The following RETREG3 variants were observed in gnomAD, a reference collection of about 807,000 sequenced individuals.
RETREG3 encodes reticulophagy regulator family member 3.
A neutral mutation model predicts 50.2 loss-of-function variants in RETREG3; 23 were observed. The ratio of observed to expected loss-of-function variants is 0.46; its 90% CI spans 0.33 to 0.65. The LOEUF (loss-of-function observed/expected upper bound fraction) is 0.65. RETREG3 is among the 30% of genes least tolerant of loss of function. The probability of loss-of-function intolerance (pLI) is 0.02; values close to 1 mark genes in which losing one functional copy is unlikely to be tolerated. For synonymous variants in RETREG3, 240 were observed against 234.4 expected (o/e 1.02, Z -0.22); for missense variants, 546 against 598.0 (o/e 0.91, Z 0.91).
intron 1 of RETREG3, 87 bp from the exon 2 acceptor site, chr17:42,592,249 G>A (rs2093134752): frequency 9.5e-7 from 1 of 1,057,306 alleles, no homozygotes; most frequent in Non-Finnish European, 1.4e-6. Flanking sequence ...GGGCTCTGTG[G>A]TAAACAGACT....
chr17:42,597,191 CTT>C (rs35711566), intron 1 of RETREG3, among the ~76,000 whole-genome samples: 9 of 130,000 alleles, frequency 6.9e-5, no homozygotes, highest in Non-Finnish European at 8.1e-5. Flanking sequence ...TCTATTTTTT[CTT>C]TTTTTTTTTT....
At chr17:42,597,229 G>A (rs562694259) in intron 1 of RETREG3, among the ~76,000 whole-genome samples, 1 of 135,116 alleles carries the variant, frequency 7.4e-6, no homozygotes, top group Non-Finnish European at 1.6e-5. Context: ...TAGCTCTGTC[G>A]CCAGGCTAGA....
chr17:42,604,981 G>A (rs2093165166), intron 1 of RETREG3, among the ~76,000 whole-genome samples: 2 of 151,842 alleles, frequency 1.3e-5, no homozygotes, highest in Admixed American at 1.3e-4. Context: ...TGGAAGGAAC[G>A]GCCTGACATT....
rs762256878 is a variant in RETREG3 at position 42,582,715 on chromosome 17, T to C, written c.902A>G (p.Asn301Ser). The C allele has an allele frequency of 1.5e-5, 24 of 1,614,244 alleles. No individual in the cohort carries two copies. Among genetic ancestry groups the C allele is most frequent in the Middle Eastern group, 1.6e-4 (1 of 6,062 alleles). The stretch of plus-strand genomic sequence containing the variant: ...TAGAGGTGTTTGGCCCCTTGAAAGA[T>C]TGAATGTGCCATTGTCTGTACAGGA... ...EVSCTDNGTFNLSRGQTPLTE... is the reference protein window; with the variant it reads ...EVSCTDNGTFSLSRGQTPLTE... Residue 301 changes from asparagine (N) to serine (S), a missense_variant, in exon 8 of 9, where the codon AAT becomes AGT. Physicochemically the swap from Asn to Ser is conservative, Grantham distance 46 (BLOSUM62 1). Transcript: ENST00000309428.
chr17:42,587,784 C>A (rs2093124125), intron 3 of RETREG3, 50 bp downstream of exon 3: 1 of 1,608,000 alleles, frequency 6.2e-7, no homozygotes. Flanking sequence ...CAGAATATTA[C>A]AAGAGAATGA....
At chr17:42,588,353 C>A (rs2093125395) in intron 2 of RETREG3, among the ~76,000 whole-genome samples, 1 of 151,654 alleles carries the variant, frequency 6.6e-6, no homozygotes, top group Admixed American at 6.6e-5. Flanking sequence ...GCCTCCCATT[C>A]TTCTGCCTCA....
intron 2 of RETREG3, among the ~76,000 whole-genome samples, chr17:42,589,404 C>T (rs1402007304): frequency 1.3e-5 from 2 of 152,166 alleles, no homozygotes; most frequent in Non-Finnish European, 2.9e-5. Flanking sequence ...CTTTAACCCC[C>T]ATCCACTTAT....
At position 42,586,857 on chromosome 17, in the gene RETREG3, G is replaced by C. The variant is rs760928569; in HGVS notation, c.412C>G (p.Pro138Ala). The C allele has an allele frequency of 6.2e-7, 1 of 1,614,106 alleles. No homozygotes were observed. The highest frequency in any genetic ancestry group is 1.1e-5 in the South Asian group (1 of 91,074). ...GFVHPRLLSV[P>A]ELCHHVAEVW... ...TCAGCTACATGGTGGCAGAGCTCGG[G>C]CACGCTGAGCAACCGAGGGTGCACA... Residue 138 changes from proline to alanine, a missense_variant, in exon 4 of 9, where the codon CCC becomes GCC. Pro to Ala is a conservative substitution (Grantham distance 27). Transcript: ENST00000309428.
intron 1 of RETREG3, among the ~76,000 whole-genome samples, chr17:42,597,191 CTTTTTTTTTT>C: frequency 7.7e-6 from 1 of 130,038 alleles, no homozygotes; most frequent in African/African-American, 2.9e-5. Context: ...TCTATTTTTT[CTTTTTTTTTT>C]TTTTTGAGAC....
At chr17:42,595,378 C>G (rs2093142041) in intron 1 of RETREG3, among the ~76,000 whole-genome samples, 1 of 151,698 alleles carries the variant, frequency 6.6e-6, no homozygotes, top group African/African-American at 2.4e-5. Context: ...GCTGGGATTA[C>G]AGACATGAGC....
chr17:42,582,327 A>G (rs1394917103), intron 8 of RETREG3, 57 bp from the exon 9 acceptor site: 4 of 1,510,618 alleles, frequency 2.6e-6, no homozygotes, highest in Non-Finnish European at 2.7e-6. Context: ...CCTGTGCCCC[A>G]GCCCCACATG....
intron 1 of RETREG3, among the ~76,000 whole-genome samples, chr17:42,605,955 C>A (rs1431404355): frequency 6.9e-6 from 1 of 145,274 alleles, no homozygotes; most frequent in South Asian, 2.2e-4. Context: ...CACGCCATTG[C>A]ACCCCAGCCT....
chr17:42,589,673 A>G (rs1393041604), intron 2 of RETREG3, among the ~76,000 whole-genome samples: 2 of 152,112 alleles, frequency 1.3e-5, no homozygotes, highest in East Asian at 1.9e-4. Flanking sequence ...GGCTCAAGCA[A>G]TTCTCCTGCC....
At chr17:42,607,702 G>A (rs959309426) in intron 1 of RETREG3, among the ~76,000 whole-genome samples, 16 of 151,112 alleles carry the variant, frequency 1.1e-4, no homozygotes, top group Admixed American at 2.0e-4. Context: ...GCTACTTGGG[G>A]GGCTGAGGCA....
rs1170064998 is a variant in RETREG3 at position 42,583,502 on chromosome 17, G to A, written c.806C>T (p.Pro269Leu). The A allele has an allele frequency of 1.1e-5, 17 of 1,613,346 alleles. No individual in the cohort carries two copies. Among genetic ancestry groups the A allele is most frequent in the Non-Finnish European group, 1.4e-5 (16 of 1,179,618 alleles). Residue 269 changes from proline (P) to leucine (L), a missense_variant, in exon 7 of 9, where the codon CCT becomes CTT. Coordinates refer to ENST00000309428, the MANE Select transcript of RETREG3 (RefSeq NM_178126.4). ...DSEEELAAFC[P>L]QLDDSTVARE... ...CAGCTCCCACACTCAAGATACCTGA[G>A]GACAGAAGGCAGCAAGCTCCTCTTC... is the stretch of plus-strand genomic sequence containing the variant.
intron 4 of RETREG3, chr17:42,586,557 T>C: frequency 1.8e-6 from 1 of 545,316 alleles, no homozygotes; most frequent in South Asian, 3.1e-5. Flanking sequence ...CTCATCTAAG[T>C]GGCAACCACA....
chr17:42,585,956 T>C lies in RETREG3; in HGVS notation c.589+97A>G, dbSNP rs2093120359. 5.4e-6 allele frequency: 6 copies of C among 1,110,880 alleles called. No individual in the cohort carries two copies. In the East Asian group the frequency reaches 1.4e-4, roughly 26 times the overall value. 68.8% of individuals were successfully genotyped at this position (1,110,880 alleles called of 1,614,324 possible). On this transcript the variant is annotated intron_variant, in intron 5 of 8. Transcript: ENST00000309428. ...ATGCAAAGGTCATATCCTAGAGAAT[T>C]GAAATATAACAGTCCTCTCCCCACA...
chr17:42,593,565 G>A (rs2093137388), intron 1 of RETREG3, among the ~76,000 whole-genome samples: 1 of 150,838 alleles, frequency 6.6e-6, no homozygotes, highest in African/African-American at 2.4e-5. Context: ...CGAGAATGGC[G>A]TGAACCTGGG....
chr17:42,592,078 G>C lies in RETREG3; in HGVS notation c.324C>G (p.Asn108Lys). ...MIIVCIDQWK[N>K]KIWPEIKVPR... Reference sequence around the variant, plus strand: ...CACCTTTTATTTCAGGCCAGATTTTGTTCTTCCATTGATCAATACACACAA... The same window carrying C: ...CACCTTTTATTTCAGGCCAGATTTTCTTCTTCCATTGATCAATACACACAA... Residue 108 changes from asparagine to lysine, a missense_variant, in exon 2 of 9, where the codon AAC becomes AAG. Physicochemically the swap from Asn to Lys is moderately conservative, Grantham distance 94. Coordinates refer to ENST00000309428, the MANE Select transcript of RETREG3 (RefSeq NM_178126.4). The C allele has an allele frequency of 6.2e-7, 1 of 1,612,542 alleles. No individual in the cohort carries two copies. The highest frequency in any genetic ancestry group is 8.5e-7 in the Non-Finnish European group (1 of 1,179,416).
Sources: gnomAD v4.1 joint callset for allele counts (sites outside exome capture counted in the v4.1 genomes callset) on GRCh38, gnomAD v4.1.1 for gene constraint, MANE v1.5 for transcripts, NCBI Gene and HGNC (gene_info 2026-07-23, HGNC 2026-07-21) for gene names.